Variants in PARD6G observed in about 807,000 individuals in gnomAD.
PARD6G encodes par-6 family cell polarity regulator gamma.
In PARD6G, 7 loss-of-function variants were observed where a neutral mutation model predicts 10.7. The ratio of observed to expected loss-of-function variants is 0.66; its 90% CI spans 0.37 to 1.23. The LOEUF is 1.23. Among genes scored for constraint, PARD6G ranks in the 50% most tolerant of loss-of-function variants. The pLI is 0.02. For synonymous variants in PARD6G, 287 were observed against 269.4 expected (o/e 1.07, Z -0.64); for missense variants, 548 against 571.8 (o/e 0.96, Z 0.42).
chr18:80,220,104 A>T (rs1243757007), intron 1 of PARD6G, among the ~76,000 whole-genome samples: 1 of 152,158 alleles, frequency 6.6e-6, no homozygotes, highest in Non-Finnish European at 1.5e-5. Context: ...AAGGCTGGGG[A>T]GGCCTTAGGA....
intron 2 of PARD6G, among the ~76,000 whole-genome samples, chr18:80,198,896 G>A (rs924357952): frequency 2.6e-5 from 4 of 152,130 alleles, no homozygotes; most frequent in South Asian, 4.1e-4. Flanking sequence ...GCTTTATTCC[G>A]AAATAATTCA....
intron 2 of PARD6G, 99 bp downstream of exon 2, chr18:80,202,611 A>G: frequency 9.9e-7 from 1 of 1,014,446 alleles, no homozygotes; most frequent in Non-Finnish European, 1.5e-6. Flanking sequence ...CAGGTTAGAA[A>G]ACGAACCACA....
intron 2 of PARD6G, among the ~76,000 whole-genome samples, chr18:80,198,197 G>A (rs1966975642): frequency 6.6e-6 from 1 of 152,226 alleles, no homozygotes; most frequent in African/African-American, 2.4e-5. Context: ...CCTGTCGTCT[G>A]AGCCTCAAAT....
intron 1 of PARD6G, among the ~76,000 whole-genome samples, chr18:80,222,200 T>TC (rs1213281277): frequency 6.6e-6 from 1 of 152,130 alleles, no homozygotes; most frequent in Non-Finnish European, 1.5e-5. Flanking sequence ...TCTTCCTGCA[T>TC]CAGCCTGCCA....
chr18:80,202,986 T>A lies in PARD6G; in HGVS notation c.73-54A>T. The stretch of plus-strand genomic sequence containing the variant: ...GGGGCATTAATAAATACCAGAGAAA[T>A]ATCCAGAAATAAGGTGTGGTTAGTG... On this transcript the variant is annotated intron_variant, in intron 1 of 2. Coordinates refer to ENST00000353265, the MANE Select transcript of PARD6G (RefSeq NM_032510.4). The A allele has an allele frequency of 1.4e-6, 1 of 709,604 alleles. No individual in the cohort carries two copies. Among genetic ancestry groups the A allele is most frequent in the Non-Finnish European group, 2.5e-6 (1 of 395,692 alleles). 44.0% of individuals were successfully genotyped at this position (709,604 alleles called of 1,614,324 possible). A position where few individuals can be genotyped will look rare whatever the true frequency, so the allele number is the denominator to read the frequency against.
At chr18:80,168,081 G>T (rs900597909) in intron 2 of PARD6G, among the ~76,000 whole-genome samples, 1 of 152,134 alleles carries the variant, frequency 6.6e-6, no homozygotes, top group Admixed American at 6.5e-5. Flanking sequence ...TGGGCCGGCC[G>T]TGGTCTGCAC....
chr18:80,227,017 T>C (rs1233376407), intron 1 of PARD6G, among the ~76,000 whole-genome samples: 1 of 152,208 alleles, frequency 6.6e-6, no homozygotes, highest in Non-Finnish European at 1.5e-5. Context: ...CAGGCTGCAG[T>C]GCAGTGTGGC....
chr18:80,208,461 T>C (rs1231409586), intron 1 of PARD6G, among the ~76,000 whole-genome samples: 2 of 152,210 alleles, frequency 1.3e-5, no homozygotes, highest in Non-Finnish European at 2.9e-5. Context: ...TTTGTTCGTA[T>C]AGCAGGACTT....
chr18:80,205,412 G>C (rs1010111356), intron 1 of PARD6G, among the ~76,000 whole-genome samples: 1 of 152,158 alleles, frequency 6.6e-6, no homozygotes, highest in Non-Finnish European at 1.5e-5. Flanking sequence ...CACACGGTTT[G>C]CATCTGTGTC....
rs377186194 is a variant in PARD6G at position 80,231,861 on chromosome 18, A to G, written c.72+15416T>C. Among the ~76,000 whole-genome samples, 1 of 152,094 alleles carries G rather than the reference A, an allele frequency of 6.6e-6. No individual in the cohort carries two copies. The highest frequency in any genetic ancestry group is 1.5e-5 in the Non-Finnish European group (1 of 68,020). On this transcript the variant is annotated intron_variant, in intron 1 of 2. Coordinates refer to ENST00000353265, the MANE Select transcript of PARD6G (RefSeq NM_032510.4). The surrounding 1 kb of genome is among the most constrained non-coding windows in gnomAD (Gnocchi z 4.2). ...TTCTCAAAAACCCAAAGTTGCAAGCACAGTAAAGGCAGACCTCTTGCATGT... is the reference window on the plus strand; with the variant it reads ...TTCTCAAAAACCCAAAGTTGCAAGCGCAGTAAAGGCAGACCTCTTGCATGT...
rs940332670 is a variant in PARD6G at position 80,159,828 on chromosome 18, G to A, written c.1074C>T (p.His358=). ...CGCCGCCTGGCGGCAGCGCCAGGCT[G>A]TGACGGGGGTCGGCCCGCAGGGAGC... is the stretch of plus-strand genomic sequence containing the variant. ...LLSSLRADPR[H]SLALPPGGVE... is the part of the protein sequence containing the mutation. Residue 358 remains histidine, a synonymous_variant, in exon 3 of 3, where the codon CAC becomes CAT. Coordinates refer to ENST00000353265, the MANE Select transcript of PARD6G (RefSeq NM_032510.4). 7 of 1,488,406 alleles carry A rather than the reference G, an allele frequency of 4.7e-6. No homozygotes were observed. Among genetic ancestry groups the A allele is most frequent in the African/African-American group, 1.5e-5 (1 of 67,702 alleles). 92.2% of individuals were successfully genotyped at this position (1,488,406 alleles called of 1,614,324 possible).
At chr18:80,168,430 G>T (rs1415889580) in intron 2 of PARD6G, among the ~76,000 whole-genome samples, 5 of 151,892 alleles carry the variant, frequency 3.3e-5, no homozygotes, top group African/African-American at 1.2e-4. Context: ...CTTTTTACAA[G>T]AAAAAAATTG....
intron 1 of PARD6G, among the ~76,000 whole-genome samples, chr18:80,215,827 G>T (rs1258881056): frequency 6.6e-6 from 1 of 151,978 alleles, no homozygotes; most frequent in Non-Finnish European, 1.5e-5. Context: ...TTGGCAAAAT[G>T]GATTAAAACA....
chr18:80,217,752 C>T (rs776514925), intron 1 of PARD6G, among the ~76,000 whole-genome samples: 22 of 152,212 alleles, frequency 1.4e-4, no homozygotes, highest in Middle Eastern at 3.4e-3. Context: ...TGTATTAGTC[C>T]GTTCTCATGC....
chr18:80,227,155 T>G (rs1285776393), intron 1 of PARD6G, among the ~76,000 whole-genome samples: 2 of 152,160 alleles, frequency 1.3e-5, no homozygotes, highest in Admixed American at 6.6e-5. Context: ...GTAGAGACAG[T>G]CTCACCATGT....
At chr18:80,171,910 T>C (rs2052779689) in intron 2 of PARD6G, among the ~76,000 whole-genome samples, 1 of 152,246 alleles carries the variant, frequency 6.6e-6, no homozygotes, top group Admixed American at 6.5e-5. Context: ...CTTATGTACA[T>C]CTGATACGTG....
At chr18:80,186,925 C>T (rs905057005) in intron 2 of PARD6G, among the ~76,000 whole-genome samples, 5 of 152,048 alleles carry the variant, frequency 3.3e-5, no homozygotes, top group African/African-American at 4.8e-5. Context: ...GGTGAAACCC[C>T]GTCTCTACTA....
chr18:80,193,398 G>A (rs2145273387), intron 2 of PARD6G, among the ~76,000 whole-genome samples: 2 of 152,280 alleles, frequency 1.3e-5, no homozygotes, highest in Admixed American at 1.3e-4. Context: ...CAAGACCATA[G>A]ATATATCAGT....
At chr18:80,177,138 A>C (rs928734479) in intron 2 of PARD6G, among the ~76,000 whole-genome samples, 3 of 140,410 alleles carry the variant, frequency 2.1e-5, no homozygotes, top group Non-Finnish European at 4.6e-5. Flanking sequence ...ACACACACAC[A>C]CCACAGTATA....
Sources: allele counts gnomAD v4.1 joint callset (sites outside exome capture counted in the v4.1 genomes callset), GRCh38; gene constraint gnomAD v4.1.1; non-coding constraint Gnocchi (gnomAD v3.1); transcripts MANE v1.5; gene names NCBI Gene and HGNC (gene_info 2026-07-23, HGNC 2026-07-21).